USH2A: variants seen among roughly 807,000 people sequenced by gnomAD.
USH2A encodes usherin, also known as Usher syndrome 2A (autosomal recessive, mild).
USH2A carries 443 observed loss-of-function variants against 538.9 expected under a neutral mutation model. The observed-to-expected ratio is 0.82, with a 90% CI of 0.76 to 0.89. The LOEUF is 0.89. Ranked by LOEUF, USH2A falls within the 40% of genes least tolerant of loss-of-function variation. USH2A has a pLI of 0.00. For synonymous variants in USH2A, 2,413 were observed against 2,273.5 expected, an observed-to-expected ratio of 1.06 and a Z score of -1.75; for missense variants, 6,633 against 6,324.8, an observed-to-expected ratio of 1.05 and a Z score of -1.65.
intron 13 of USH2A, among the ~76,000 whole-genome samples, chr1:216,245,755 C>A (rs2036028089): frequency 6.6e-6 from 1 of 152,118 alleles, no homozygotes; most frequent in Non-Finnish European, 1.5e-5. Context: ...GCCCAATTAT[C>A]CTAGGCTGGA....
At chr1:216,105,381 C>T (rs1190725485) in intron 21 of USH2A, among the ~76,000 whole-genome samples, 1 of 151,596 alleles carries the variant, frequency 6.6e-6, no homozygotes, top group African/African-American at 2.4e-5. Context: ...GACTCCTATA[C>T]ACTATACAGT....
intron 70 of USH2A, among the ~76,000 whole-genome samples, chr1:215,633,972 C>A (rs978061418): frequency 2.6e-5 from 4 of 152,146 alleles, no homozygotes; most frequent in Non-Finnish European, 5.9e-5. Context: ...AGAGGACAGA[C>A]CGAGCACCAC....
At chr1:216,300,059 G>A (rs761348504) in intron 9 of USH2A, among the ~76,000 whole-genome samples, 1 of 152,016 alleles carries the variant, frequency 6.6e-6, no homozygotes. Context: ...TTAAATTCTT[G>A]GTCCCATAAT....
chr1:215,709,748 A>G (rs1212681802), intron 61 of USH2A, among the ~76,000 whole-genome samples: 1 of 152,054 alleles, frequency 6.6e-6, no homozygotes, highest in Admixed American at 6.5e-5. Context: ...CATTGCCCAG[A>G]TGGCTCTTTG....
chr1:215,878,522 G>A (rs1327874302), intron 42 of USH2A, among the ~76,000 whole-genome samples: 1 of 152,142 alleles, frequency 6.6e-6, no homozygotes, highest in African/African-American at 2.4e-5. Context: ...ATTATGTAGC[G>A]AATCCTTAGA....
intron 41 of USH2A, among the ~76,000 whole-genome samples, chr1:215,883,919 TG>T (rs1013502048): frequency 4.6e-5 from 7 of 152,188 alleles, no homozygotes; most frequent in African/African-American, 1.4e-4. Flanking sequence ...GCTTCATCCT[TG>T]AAGCCATCAT....
intron 64 of USH2A, among the ~76,000 whole-genome samples, chr1:215,668,220 C>A (rs553854697): frequency 1.6e-4 from 24 of 152,264 alleles, no homozygotes; most frequent in Non-Finnish European, 1.5e-4. Context: ...GAGAGCAATG[C>A]AAATTCATCA....
intron 41 of USH2A, among the ~76,000 whole-genome samples, chr1:215,882,630 C>T (rs1664943080): frequency 6.6e-6 from 1 of 152,078 alleles, no homozygotes; most frequent in South Asian, 2.1e-4. Flanking sequence ...TTTTTGTATG[C>T]TCGTACAAGC....
In USH2A at chr1:215,790,095, A is replaced by T; in HGVS notation, c.10146T>A (p.Val3382=). 6.2e-7 allele frequency: 1 copy of T among 1,613,660 alleles called. No individual in the cohort carries two copies. The highest frequency in any genetic ancestry group is 8.5e-7 in the Non-Finnish European group (1 of 1,179,956). ...NGVGYNPLKY[V]CSDKISTGMM... ...TTCCAGTTGAAATCTTGTCAGAGCA[A>T]ACATATTTCAAAGGATTATATCCAA... Residue 3382 remains valine, a synonymous_variant, in exon 51 of 72, where the codon GTT becomes GTA. Transcript: ENST00000307340.
At chr1:216,279,835 T>C (rs2036737956) in intron 11 of USH2A, among the ~76,000 whole-genome samples, 1 of 152,036 alleles carries the variant, frequency 6.6e-6, no homozygotes, top group South Asian at 2.1e-4. Context: ...AGTCAGGCCA[T>C]ATGCTAGGGA....
intron 37 of USH2A, among the ~76,000 whole-genome samples, chr1:215,955,470 T>C (rs967927662): frequency 6.6e-6 from 1 of 152,170 alleles, no homozygotes; most frequent in Non-Finnish European, 1.5e-5. Context: ...ACAAGCTAGA[T>C]ACATGCTTTC....
rs565981595 is a variant in USH2A, at chr1:215,838,156, T to C, written c.9259-53A>G. ...ATGCAACCATTTTTGAAATACTTAC[T>C]AACAATAGTCTGAATCCCACCTTCC... is the stretch of plus-strand genomic sequence containing the variant. On this transcript the variant is annotated intron_variant, in intron 46 of 71. Coordinates refer to ENST00000307340, the MANE Select transcript of USH2A (RefSeq NM_206933.4). 7.2e-6 allele frequency: 10 copies of C among 1,386,254 alleles called. No individual in the cohort carries two copies. In the African/African-American group the frequency reaches 1.4e-4, roughly 20 times the overall value. The allele number at this position is 1,386,254 out of a possible 1,614,324, so 85.9% of individuals were successfully genotyped here. A position where few individuals can be genotyped will look rare whatever the true frequency, so the allele number is the denominator to read the frequency against.
intron 47 of USH2A, among the ~76,000 whole-genome samples, chr1:215,823,079 CT>C (rs1476231411): frequency 6.6e-6 from 1 of 151,974 alleles, no homozygotes; most frequent in Admixed American, 6.6e-5. Flanking sequence ...GGATTGCATG[CT>C]GCAATTACAG....
At chr1:216,229,396 GC>G (rs1336098502) in intron 14 of USH2A, among the ~76,000 whole-genome samples, 1 of 151,430 alleles carries the variant, frequency 6.6e-6, no homozygotes, top group Non-Finnish European at 1.5e-5. Flanking sequence ...ACTCACTGCA[GC>G]CTCGACCTTC....
chr1:215,655,978 C>T (rs1208673770), intron 64 of USH2A, among the ~76,000 whole-genome samples: 1 of 152,030 alleles, frequency 6.6e-6, no homozygotes, highest in African/African-American at 2.4e-5. Flanking sequence ...TAGTGATCTG[C>T]CCACCTCCGC....
chr1:215,721,819 T>A (rs1318977370), intron 61 of USH2A, among the ~76,000 whole-genome samples: 1 of 152,088 alleles, frequency 6.6e-6, no homozygotes, highest in Non-Finnish European at 1.5e-5. Flanking sequence ...ATTCCAACAC[T>A]TTGGGACGCC....
At chr1:215,700,694 C>T (rs987674829) in intron 61 of USH2A, among the ~76,000 whole-genome samples, 83 of 152,206 alleles carry the variant, frequency 5.5e-4, no homozygotes, top group African/African-American at 2.0e-3. Context: ...TGATTCTTCT[C>T]TCTTTTCTTC....
At chr1:216,195,403 C>T (rs886764069) in intron 19 of USH2A, among the ~76,000 whole-genome samples, 16 of 152,098 alleles carry the variant, frequency 1.1e-4, no homozygotes, top group East Asian at 3.9e-4. Flanking sequence ...ATTTAGTTTA[C>T]AGATAGGATG....
intron 46 of USH2A, among the ~76,000 whole-genome samples, chr1:215,841,363 C>T (rs528107129): frequency 1.2e-4 from 19 of 152,140 alleles, no homozygotes; most frequent in South Asian, 4.1e-4. Context: ...ACCAATGGAA[C>T]GGAATAGAGA....
Sources: allele counts gnomAD v4.1 joint callset (sites outside exome capture counted in the v4.1 genomes callset), GRCh38; gene constraint gnomAD v4.1.1; transcripts MANE v1.5; gene names NCBI Gene and HGNC (gene_info 2026-07-23, HGNC 2026-07-21).